The following FKBP15 variants were observed in gnomAD, a reference collection of about 807,000 sequenced individuals.
FKBP15 encodes FK506-binding protein 15.
Under a neutral mutation model 158.1 loss-of-function variants are expected in FKBP15, and 106 were observed. The ratio of observed to expected loss-of-function variants is 0.67; its 90% CI spans 0.57 to 0.79. The LOEUF is 0.79. FKBP15 is among the 30% of genes least tolerant of loss of function. FKBP15 has a pLI of 0.00. For synonymous variants in FKBP15, 547 were observed against 548.6 expected, an observed-to-expected ratio of 1.00 and a Z score of 0.04; for missense variants, 1,287 against 1,479.1, an observed-to-expected ratio of 0.87 and a Z score of 2.13.
intron 1 of FKBP15, among the ~76,000 whole-genome samples, chr9:113,214,025 A>G (rs1831070435): frequency 6.6e-6 from 1 of 152,042 alleles, no homozygotes. Context: ...TTTTGCCTCC[A>G]GGGCTCAACC....
chr9:113,184,545 T>G lies in FKBP15; in HGVS notation c.1609-146A>C, dbSNP rs1177257390. ...TAAGTTAGAGTTTTCTCCTACTAACTGGATCCCAACATAATTATAACTATC... is the reference window on the plus strand; with the variant it reads ...TAAGTTAGAGTTTTCTCCTACTAACGGGATCCCAACATAATTATAACTATC... On this transcript the variant is annotated intron_variant, in intron 16 of 27. Coordinates refer to ENST00000238256, the MANE Select transcript of FKBP15 (RefSeq NM_015258.2). The surrounding 1 kb of genome is among the most constrained non-coding windows in gnomAD (Gnocchi z 4.5). The G allele has an allele frequency of 1.3e-5, 12 of 909,992 alleles. No homozygotes were observed. Among genetic ancestry groups the G allele is most frequent in the East Asian group, 2.6e-5 (1 of 37,904 alleles). The allele number at this position is 909,992 out of a possible 1,614,324, so 56.4% of individuals were successfully genotyped here.
rs1487050737 is a variant in FKBP15, at chr9:113,206,411, C to T, written c.324+98G>A. 9 of 882,458 alleles carry T rather than the reference C, an allele frequency of 1.0e-5. No homozygotes were observed. In the East Asian group the frequency reaches 1.7e-4, roughly 17 times the overall value. 54.7% of individuals were successfully genotyped at this position (882,458 alleles called of 1,614,324 possible). ...ATTCAATACAAATAATCATCCTTAT[C>T]TTCTGATAAACAAGACATCGGGCAA... is the stretch of plus-strand genomic sequence containing the variant. On this transcript the variant is annotated intron_variant, in intron 4 of 27. Coordinates refer to ENST00000238256, the MANE Select transcript of FKBP15 (RefSeq NM_015258.2).
chr9:113,207,499 C>A (rs1830913827), intron 2 of FKBP15, among the ~76,000 whole-genome samples: 1 of 151,670 alleles, frequency 6.6e-6, no homozygotes, highest in Admixed American at 6.6e-5. Context: ...GCCACCACAT[C>A]CGGCTAATTT....
At chr9:113,194,195 T>C (rs772049989) in intron 9 of FKBP15, 26 bp from the exon 10 acceptor site, 10 of 1,552,396 alleles carry the variant, frequency 6.4e-6, no homozygotes, top group Non-Finnish European at 7.9e-6. Flanking sequence ...ATATTCTCAC[T>C]CATAGGTGGG....
rs1190203052 is a variant in FKBP15 at position 113,186,325 on chromosome 9, T to C, written c.1422A>G (p.Ala474=). The change falls in exon 15 of 28, where the codon GCA becomes GCG. Residue 474 remains alanine, a synonymous_variant. Transcript: ENST00000238256. ...AGMQAYAYPQ[A]SAVTSQLQPV... is the part of the protein sequence containing the mutation. ...GCTGCAGCTGGGAGGTGACGGCAGATGCCTGGGGATAAGCGTAGGCTTGCA... is the reference window on the plus strand; with the variant it reads ...GCTGCAGCTGGGAGGTGACGGCAGACGCCTGGGGATAAGCGTAGGCTTGCA... The C allele has an allele frequency of 6.4e-7, 1 of 1,569,228 alleles. No homozygotes were observed. The highest frequency in any genetic ancestry group is 1.9e-5 in the Admixed American group (1 of 53,324).
At chr9:113,180,179 C>T (rs1830368289) in intron 19 of FKBP15, among the ~76,000 whole-genome samples, 1 of 152,164 alleles carries the variant, frequency 6.6e-6, no homozygotes, top group African/African-American at 2.4e-5. Flanking sequence ...TAGAAAATCA[C>T]CCAAAAGCTC....
chr9:113,195,756 A>T (rs776843370), intron 9 of FKBP15, among the ~76,000 whole-genome samples: 6 of 152,234 alleles, frequency 3.9e-5, no homozygotes, highest in Admixed American at 6.5e-5. Context: ...GGCAGGGAAC[A>T]GGTAGTATTA....
rs916976146 is a variant in FKBP15, at chr9:113,162,151, G to C, written c.*3927C>G. ...AATCAGGCAACCATTTAGGGTCCCT[G>C]TTCTGCCCTCTGTCCAGCCCCAGCC... On this transcript the variant is annotated 3_prime_UTR_variant, in exon 28 of 28. Transcript: ENST00000238256. 1.2e-5 allele frequency: 4 copies of C among 326,694 alleles called. No individual in the cohort carries two copies. Among genetic ancestry groups the C allele is most frequent in the Admixed American group, 4.8e-5 (1 of 20,922 alleles). 20.2% of individuals were successfully genotyped at this position (326,694 alleles called of 1,614,324 possible). A position where few individuals can be genotyped will look rare whatever the true frequency, so the allele number is the denominator to read the frequency against.
intron 1 of FKBP15, among the ~76,000 whole-genome samples, chr9:113,212,314 A>G (rs1475337414): frequency 1.3e-5 from 2 of 151,928 alleles, no homozygotes; most frequent in Non-Finnish European, 2.9e-5. Context: ...TCAGCCTCCC[A>G]AGTAGCTGGG....
intron 7 of FKBP15, 60 bp downstream of exon 7, chr9:113,199,754 T>C: frequency 6.6e-7 from 1 of 1,515,128 alleles, no homozygotes; most frequent in Non-Finnish European, 8.9e-7. Context: ...GTATCTTCCC[T>C]GGGAATAGCC....
Position 113,165,646 on chromosome 9 carries a change from T to G in FKBP15, c.*432A>C. 1 of 159,952 alleles carries G rather than the reference T, an allele frequency of 6.3e-6. No homozygotes were observed. The highest frequency in any genetic ancestry group is 1.4e-5 in the Non-Finnish European group (1 of 72,596). 9.9% of individuals were successfully genotyped at this position (159,952 alleles called of 1,614,324 possible). A position where few individuals can be genotyped will look rare whatever the true frequency, so the allele number is the denominator to read the frequency against. On this transcript the variant is annotated 3_prime_UTR_variant, in exon 28 of 28. Coordinates refer to ENST00000238256, the MANE Select transcript of FKBP15 (RefSeq NM_015258.2). ...GGCCAGGCTGTTGACTGCACTGGGATTTAGATGGTGTAATCTCCCTTAGTT... is the reference window on the plus strand; with the variant it reads ...GGCCAGGCTGTTGACTGCACTGGGAGTTAGATGGTGTAATCTCCCTTAGTT...
In FKBP15 at chr9:113,206,834, G is replaced by A. The variant is rs558752652; in HGVS notation, c.255-256C>T. The A allele has an allele frequency of 1.0e-4, 47 of 458,494 alleles. No individual in the cohort carries two copies. In the South Asian group the frequency reaches 1.2e-3, roughly 12 times the overall value. 28.4% of individuals were successfully genotyped at this position (458,494 alleles called of 1,614,324 possible). A position where few individuals can be genotyped will look rare whatever the true frequency, so the allele number is the denominator to read the frequency against. On this transcript the variant is annotated intron_variant, in intron 3 of 27. Coordinates refer to ENST00000238256, the MANE Select transcript of FKBP15 (RefSeq NM_015258.2). ...CAGGTTCAAGCAATTCTTCTGCCTCGGCCTCCCAAAGTGCTGGGATTACAG... is the reference window on the plus strand; with the variant it reads ...CAGGTTCAAGCAATTCTTCTGCCTCAGCCTCCCAAAGTGCTGGGATTACAG...
At position 113,202,655 on chromosome 9, in the gene FKBP15, C is replaced by T. The variant is rs117502081; in HGVS notation, c.400-26G>A. The T allele has an allele frequency of 5.0e-3, 7,541 of 1,515,752 alleles. 30 individuals carry two copies. The highest frequency in any genetic ancestry group is 6.1e-3 in the Non-Finnish European group (6,778 of 1,114,124). 93.9% of individuals were successfully genotyped at this position (1,515,752 alleles called of 1,614,324 possible). ...CTGGAGAAAGGAGAAATGTTAAATT[C>T]ATCCACAAGCAGTATTATACCAGAT... On this transcript the variant is annotated intron_variant, in intron 5 of 27. Coordinates refer to ENST00000238256, the MANE Select transcript of FKBP15 (RefSeq NM_015258.2).
At position 113,161,997 on chromosome 9, in the gene FKBP15, C is replaced by G. The variant is rs1830021141; in HGVS notation, c.*4081G>C. ...AAATGAGGTGGCCACCCACCCTCCC[C>G]CAAATCTCACCAGTTCCATGGGTCA... On this transcript the variant is annotated 3_prime_UTR_variant, in exon 28 of 28. Coordinates refer to ENST00000238256, the MANE Select transcript of FKBP15 (RefSeq NM_015258.2). 1.0e-5 allele frequency: 5 copies of G among 478,442 alleles called. No individual in the cohort carries two copies. The highest frequency in any genetic ancestry group is 3.8e-5 in the South Asian group (2 of 52,426). The allele number at this position is 478,442 out of a possible 1,614,324, so 29.6% of individuals were successfully genotyped here.
intron 11 of FKBP15, among the ~76,000 whole-genome samples, chr9:113,191,910 C>A (rs576055796): frequency 1.0e-4 from 15 of 150,474 alleles, no homozygotes; most frequent in African/African-American, 3.4e-4. Context: ...ATAACTGTGC[C>A]ATATAAATGT....
rs150567143 is a variant in FKBP15 at position 113,195,971 on chromosome 9, C to A, written c.864+961G>T. Among the ~76,000 whole-genome samples, 122 of 152,088 alleles carry A rather than the reference C, an allele frequency of 8.0e-4. 2 individuals carry two copies. The East Asian group carries it at 0.016, about 20-fold the overall frequency. On this transcript the variant is annotated intron_variant, in intron 9 of 27. Coordinates refer to ENST00000238256, the MANE Select transcript of FKBP15 (RefSeq NM_015258.2). The stretch of plus-strand genomic sequence containing the variant: ...GAGCATATATGTGTGTATACACATA[C>A]ATGTACATATGACTATGTATATGGA...
chr9:113,209,587 T>C (rs1830960549), intron 2 of FKBP15, among the ~76,000 whole-genome samples: 1 of 152,254 alleles, frequency 6.6e-6, no homozygotes, highest in African/African-American at 2.4e-5. Flanking sequence ...GAAATATGTT[T>C]GGTCTTTGTC....
chr9:113,161,889 C>T lies in FKBP15; in HGVS notation c.*4189G>A, dbSNP rs754607987. 5.3e-5 allele frequency: 37 copies of T among 699,260 alleles called. 1 individual carries two copies. The South Asian group carries it at 5.5e-4, about 10-fold the overall frequency. 43.3% of individuals were successfully genotyped at this position (699,260 alleles called of 1,614,324 possible). On this transcript the variant is annotated 3_prime_UTR_variant, in exon 28 of 28. Coordinates refer to ENST00000238256, the MANE Select transcript of FKBP15 (RefSeq NM_015258.2). ...GTCTCCTGATGCCCAGGCCAAAGCA[C>T]TCTGTGAACAGCCAGCCACTTGAGA...
chr9:113,220,187 T>C (rs1179680353), intron 1 of FKBP15, among the ~76,000 whole-genome samples: 1 of 152,244 alleles, frequency 6.6e-6, no homozygotes, highest in Non-Finnish European at 1.5e-5. Flanking sequence ...AGTTTAATCA[T>C]TTTTGTAACC....
Sources: allele counts gnomAD v4.1 joint callset (sites outside exome capture counted in the v4.1 genomes callset), GRCh38; gene constraint gnomAD v4.1.1; non-coding constraint Gnocchi (gnomAD v3.1); transcripts MANE v1.5; gene names NCBI Gene and HGNC (gene_info 2026-07-23, HGNC 2026-07-21).